The following CLMN variants were observed in gnomAD, a reference collection of about 807,000 sequenced individuals.
The protein encoded by CLMN is calmin (calponin-like, transmembrane).
Under a neutral mutation model 92.7 loss-of-function variants are expected in CLMN, and 57 were observed. That is an observed-to-expected ratio of 0.61 (90% CI 0.50 to 0.77). CLMN has a LOEUF of 0.77. Among genes scored for constraint, CLMN ranks in the 30% least tolerant of loss-of-function variants. The probability of loss-of-function intolerance (pLI) is 0.00; values close to 1 mark genes in which losing one functional copy is unlikely to be tolerated. For missense variants in CLMN, 1,158 were observed against 1,237.5 expected, an observed-to-expected ratio of 0.94 and a Z score of 0.96; for synonymous variants, 466 against 470.6, an observed-to-expected ratio of 0.99 and a Z score of 0.13.
At chr14:95,209,593 T>C (rs1897138963) in intron 7 of CLMN, 116 bp from the exon 8 acceptor site, 1 of 838,336 alleles carries the variant, frequency 1.2e-6, no homozygotes, top group African/African-American at 1.7e-5. Context: ...TTTCTCTTTA[T>C]TTTCCACTTG....
At chr14:95,193,949 C>T (rs1234887462) in intron 11 of CLMN, 30 bp from the exon 12 acceptor site, 12 of 1,608,174 alleles carry the variant, frequency 7.5e-6, no homozygotes, top group African/African-American at 2.7e-5. Context: ...CAAAAGCCCC[C>T]GCAACCCAAT....
chr14:95,259,284 G>A lies in CLMN; in HGVS notation c.83-29151C>T, dbSNP rs115052742. Reference sequence around the variant, plus strand: ...CCCCAATGTCAGTGGGAATGGAGGGGTAAACACATATGTTTGGTTGGGAGA... The same window carrying A: ...CCCCAATGTCAGTGGGAATGGAGGGATAAACACATATGTTTGGTTGGGAGA... On this transcript the variant is annotated intron_variant, in intron 1 of 12. Coordinates refer to ENST00000298912, the MANE Select transcript of CLMN (RefSeq NM_024734.4). The surrounding 1 kb of genome is among the most constrained non-coding windows in gnomAD (Gnocchi z 4.3). Among the ~76,000 whole-genome samples, 731 of 152,180 alleles carry A rather than the reference G, an allele frequency of 4.8e-3. 6 individuals are homozygous for A. Among genetic ancestry groups the A allele is most frequent in the African/African-American group, 0.017 (689 of 41,484 alleles).
intron 1 of CLMN, among the ~76,000 whole-genome samples, chr14:95,279,521 C>A (rs1489374660): frequency 6.6e-6 from 1 of 152,228 alleles, no homozygotes. Flanking sequence ...CGGTGGCTCA[C>A]GCCTGTAATC....
chr14:95,266,174 A>G (rs944130751), intron 1 of CLMN, among the ~76,000 whole-genome samples: 9 of 152,268 alleles, frequency 5.9e-5, no homozygotes, highest in African/African-American at 2.2e-4. Context: ...CATTACTTTT[A>G]TTCAGCATAG....
At chr14:95,305,288 G>C (rs1901230283) in intron 1 of CLMN, among the ~76,000 whole-genome samples, 1 of 152,220 alleles carries the variant, frequency 6.6e-6, no homozygotes, top group Admixed American at 6.5e-5. Context: ...GGCAGAGCCA[G>C]GATTCCCAAC....
intron 1 of CLMN, among the ~76,000 whole-genome samples, chr14:95,251,481 G>A (rs969817555): frequency 2.0e-5 from 3 of 152,302 alleles, no homozygotes; most frequent in South Asian, 2.1e-4. Context: ...GAACGAGGAC[G>A]ACCTAGCATC....
intron 1 of CLMN, among the ~76,000 whole-genome samples, chr14:95,234,590 C>T (rs1418351569): frequency 6.6e-6 from 1 of 152,184 alleles, no homozygotes; most frequent in African/African-American, 2.4e-5. Context: ...GCTGTAAAAT[C>T]GCCATCCCTG....
chr14:95,238,809 T>C (rs1898145685), intron 1 of CLMN, among the ~76,000 whole-genome samples: 1 of 152,052 alleles, frequency 6.6e-6, no homozygotes. Flanking sequence ...AATCCAATTC[T>C]CTCACAGGTC....
intron 2 of CLMN, among the ~76,000 whole-genome samples, chr14:95,224,577 C>T (rs1369980040): frequency 2.6e-5 from 4 of 152,186 alleles, no homozygotes; most frequent in Non-Finnish European, 2.9e-5. Context: ...GCCACTGCGC[C>T]CGGCCACCCT....
intron 1 of CLMN, among the ~76,000 whole-genome samples, chr14:95,310,261 G>A (rs568462191): frequency 1.1e-4 from 17 of 152,254 alleles, no homozygotes; most frequent in African/African-American, 4.1e-4. Context: ...TATTTCTTTA[G>A]AGCAATGCAA....
chr14:95,196,788 A>T, intron 9 of CLMN, 94 bp from the exon 10 acceptor site: 2 of 1,208,910 alleles, frequency 1.7e-6, no homozygotes, highest in Non-Finnish European at 2.3e-6. Context: ...AGGCCCAGCC[A>T]GGGCGTCCCT....
intron 2 of CLMN, among the ~76,000 whole-genome samples, chr14:95,229,307 TC>T (rs1357158358): frequency 3.9e-5 from 6 of 152,178 alleles, no homozygotes; most frequent in Non-Finnish European, 7.3e-5. Flanking sequence ...CTGTGGCTCT[TC>T]CTTTAGTCTG....
At chr14:95,216,111 A>G (rs1387089300) in intron 4 of CLMN, among the ~76,000 whole-genome samples, 2 of 152,250 alleles carry the variant, frequency 1.3e-5, no homozygotes, top group Non-Finnish European at 2.9e-5. Context: ...ATGGACACAC[A>G]GTTCCACATG....
chr14:95,311,756 C>T (rs536597926), intron 1 of CLMN, among the ~76,000 whole-genome samples: 1 of 152,150 alleles, frequency 6.6e-6, no homozygotes, highest in East Asian at 1.9e-4. Context: ...CATGGCCCCC[C>T]ACCACATGCT....
At chr14:95,283,689 G>T (rs11626968) in intron 1 of CLMN, among the ~76,000 whole-genome samples, 98,524 of 152,058 alleles carry the variant, frequency 0.65, 32,772 homozygotes, top group Middle Eastern at 0.78. Flanking sequence ...CCCTAGAGAT[G>T]TGTGGAACTT....
rs769282471 is a variant in CLMN at position 95,213,363 on chromosome 14, C to G, written c.464G>C (p.Ser155Thr). ...GNLSRNSPSS[S>T]LSPGSGGTDS... ...TGTGCCCCCTGAGCCAGGGGACAAG[C>G]TGGAAGATGGAGAGTTTCTGCTGAG... The change falls in exon 6 of 13, where the codon AGC becomes ACC. Residue 155 changes from serine (S) to threonine (T), a missense_variant. Ser to Thr is a moderately conservative substitution (Grantham distance 58). Transcript: ENST00000298912. 3 of 1,612,838 alleles carry G rather than the reference C, an allele frequency of 1.9e-6. No individual in the cohort carries two copies. The East Asian group carries it at 6.7e-5, about 36-fold the overall frequency.
intron 5 of CLMN, among the ~76,000 whole-genome samples, chr14:95,214,655 A>T (rs748112590): frequency 1.3e-5 from 2 of 151,914 alleles, no homozygotes; most frequent in African/African-American, 2.4e-5. Context: ...CCCAGCCCAC[A>T]TGGCTTCTTT....
At chr14:95,315,851 T>C (rs1189016715) in intron 1 of CLMN, among the ~76,000 whole-genome samples, 1 of 152,222 alleles carries the variant, frequency 6.6e-6, no homozygotes, top group Non-Finnish European at 1.5e-5. Flanking sequence ...AGGCAGAGAC[T>C]AGAACCAGCT....
At chr14:95,288,542 G>A (rs1900432594) in intron 1 of CLMN, among the ~76,000 whole-genome samples, 1 of 152,218 alleles carries the variant, frequency 6.6e-6, no homozygotes, top group African/African-American at 2.4e-5. Flanking sequence ...GAAGAGATTG[G>A]CAGATCCTAT....
Sources: allele counts gnomAD v4.1 joint callset (sites outside exome capture counted in the v4.1 genomes callset), GRCh38; gene constraint gnomAD v4.1.1; non-coding constraint Gnocchi (gnomAD v3.1); transcripts MANE v1.5; gene names NCBI Gene and HGNC (gene_info 2026-07-23, HGNC 2026-07-21).